Variants in ITGB2 observed in about 807,000 individuals in gnomAD.
ITGB2 encodes integrin subunit beta 2, also known as integrin beta-2.
In ITGB2, 56 loss-of-function variants were observed where a neutral mutation model predicts 86.8. That is an observed-to-expected ratio of 0.65 (90% CI 0.52 to 0.81). The LOEUF (loss-of-function observed/expected upper bound fraction) is 0.81, where lower values mean the gene tolerates loss of function less well. Ranked by LOEUF, ITGB2 falls within the 30% of genes least tolerant of loss-of-function variation. ITGB2 has a pLI of 0.00. For missense variants in ITGB2, 948 were observed against 1,061.2 expected, an observed-to-expected ratio of 0.89 and a Z score of 1.48; for synonymous variants, 457 against 450.4, an observed-to-expected ratio of 1.01 and a Z score of -0.19.
At chr21:44,892,888 A>C (rs1489416706) in intron 10 of ITGB2, 1 of 170,816 alleles carries the variant, frequency 5.9e-6, no homozygotes, top group Non-Finnish European at 1.3e-5. Flanking sequence ...AGAATGAAAC[A>C]CGCAGAAAAT....
intron 4 of ITGB2, among the ~76,000 whole-genome samples, chr21:44,906,083 G>C (rs760463): frequency 0.17 from 25,670 of 151,678 alleles, 2,399 homozygotes; most frequent in Middle Eastern, 0.25. Flanking sequence ...CCCATCTGCT[G>C]CACCACCACA....
intron 1 of ITGB2, chr21:44,911,533 A>T (rs2146548933): frequency 6.6e-6 from 1 of 152,368 alleles, no homozygotes; most frequent in African/African-American, 2.4e-5. Flanking sequence ...GTGTGCCAGG[A>T]AGAGAAAGCT....
chr21:44,890,233 G>C lies in ITGB2; in HGVS notation c.1413-11C>G, dbSNP rs778199712. The C allele has an allele frequency of 3.7e-6, 6 of 1,612,762 alleles. No individual in the cohort carries two copies. Among genetic ancestry groups the C allele is most frequent in the Non-Finnish European group, 5.1e-6 (6 of 1,179,992 alleles). On this transcript the variant is annotated splice_polypyrimidine_tract_variant and intron_variant, in intron 11 of 15. Transcript: ENST00000652462. ...TAGCCAGTGTCACACCTGGGGACAG[G>C]AGGGGCCCCAAGGTCAGGCTCCCCC...
chr21:44,917,418 G>C (rs1298193112), intron 1 of ITGB2, among the ~76,000 whole-genome samples: 2 of 152,134 alleles, frequency 1.3e-5, no homozygotes. Flanking sequence ...CCCTTTTTGT[G>C]ATAAATGAAT....
rs778474121 is a variant in ITGB2 at position 44,888,828 on chromosome 21, C to G, written c.1945G>C (p.Gly649Arg). The G allele has an allele frequency of 1.9e-6, 3 of 1,610,916 alleles. No individual in the cohort carries two copies. In the East Asian group the frequency reaches 6.7e-5, roughly 36 times the overall value. The change falls in exon 14 of 16, where the codon GGC (glycine) becomes CGC (arginine). Residue 649 changes from glycine to arginine, a missense_variant. By Grantham distance (125) the Gly-to-Arg change is moderately radical (BLOSUM62 -2). Coordinates refer to ENST00000652462, the MANE Select transcript of ITGB2 (RefSeq NM_000211.5). ...ACGGGGTTGTTCGACAGCTGCAGGC[C>G]CGGACACGCCGCGCTGCAGTTCTTC... Reference protein sequence around the residue: ...FGKNCSAACPGLQLSNNPVKG... With the variant: ...FGKNCSAACPRLQLSNNPVKG...
At chr21:44,901,976 A>G (rs980455229) in intron 5 of ITGB2, 6 of 562,788 alleles carry the variant, frequency 1.1e-5, no homozygotes, top group African/African-American at 9.4e-5. Flanking sequence ...AAGTGTATGC[A>G]TGTGTGTTCC....
At chr21:44,893,897 GAGAC>G (rs1450402430) in intron 9 of ITGB2, 2 of 355,070 alleles carry the variant, frequency 5.6e-6, no homozygotes, top group South Asian at 4.4e-5. Flanking sequence ...GAGAGAGGCA[GAGAC>G]AGACAGAGAT....
chr21:44,922,020 G>A (rs575876122), upstream of ITGB2, among the ~76,000 whole-genome samples: 22 of 152,296 alleles, frequency 1.4e-4, no homozygotes, highest in Admixed American at 6.5e-4. Flanking sequence ...CATGGCTCCC[G>A]GCTCCTAAAC....
chr21:44,888,551 A>C, intron 14 of ITGB2, 142 bp downstream of exon 14: 1 of 951,912 alleles, frequency 1.1e-6, no homozygotes, highest in South Asian at 1.4e-5. Flanking sequence ...TTGCAATGCC[A>C]AGGGCATCCC....
At chr21:44,928,606 A>AGGGTCGGGTCGGGTC (rs559441888) in intron 1 of ITGB2, 1 of 134,626 alleles carries the variant, frequency 7.4e-6, no homozygotes, top group Non-Finnish European at 1.6e-5. Context: ...AGGGCTCCCG[A>AGGGTCGGGTCGGGTC]GGGTCGGGTC....
At chr21:44,895,862 A>AAAT (rs1190299877) in intron 8 of ITGB2, among the ~76,000 whole-genome samples, 1 of 137,664 alleles carries the variant, frequency 7.3e-6, no homozygotes, top group Admixed American at 6.9e-5. Context: ...AAATGAAATG[A>AAAT]AATGAAATGA....
intron 1 of ITGB2, among the ~76,000 whole-genome samples, chr21:44,916,524 T>C (rs1176064758): frequency 6.6e-6 from 1 of 151,908 alleles, no homozygotes; most frequent in East Asian, 1.9e-4. Flanking sequence ...AATAAAACAA[T>C]AAAGGAAATA....
intron 3 of ITGB2, chr21:44,907,927 C>A: frequency 1.7e-6 from 1 of 599,560 alleles, no homozygotes; most frequent in South Asian, 2.0e-5. Flanking sequence ...AGTACATCAG[C>A]AAGTATCCCA....
rs1306158758 is a variant in ITGB2, at chr21:44,890,226, G to C, written c.1413-4C>G. 1 of 1,612,954 alleles carries C rather than the reference G, an allele frequency of 6.2e-7. No homozygotes were observed. Among genetic ancestry groups the C allele is most frequent in the Admixed American group, 1.7e-5 (1 of 60,020 alleles). On this transcript the variant is annotated splice_region_variant and splice_polypyrimidine_tract_variant and intron_variant, in intron 11 of 15. Coordinates refer to ENST00000652462, the MANE Select transcript of ITGB2 (RefSeq NM_000211.5). ...CCCAATGTAGCCAGTGTCACACCTG[G>C]GGACAGGAGGGGCCCCAAGGTCAGG...
intron 1 of ITGB2, among the ~76,000 whole-genome samples, chr21:44,912,177 C>T (rs896615843): frequency 2.6e-5 from 4 of 152,208 alleles, no homozygotes; most frequent in Non-Finnish European, 4.4e-5. Flanking sequence ...ACCCTTCCCT[C>T]GGGTGGTGCT....
At chr21:44,910,472 G>A in intron 2 of ITGB2, 100 bp from the exon 3 acceptor site, 3 of 1,587,844 alleles carry the variant, frequency 1.9e-6, no homozygotes, top group Non-Finnish European at 2.6e-6. Context: ...CAAAAAGACA[G>A]GGAGGCAGCC....
chr21:44,926,501 G>A (rs989340334), intron 1 of ITGB2, among the ~76,000 whole-genome samples: 6 of 152,172 alleles, frequency 3.9e-5, no homozygotes, highest in East Asian at 1.9e-4. Flanking sequence ...ACCGGCAACC[G>A]GCATCCGTGG....
intron 1 of ITGB2, among the ~76,000 whole-genome samples, chr21:44,911,804 G>A (rs898426779): frequency 6.6e-6 from 1 of 152,200 alleles, no homozygotes; most frequent in African/African-American, 2.4e-5. Flanking sequence ...GAGGCCGGCA[G>A]CACCTCCTAG....
intron 3 of ITGB2, among the ~76,000 whole-genome samples, chr21:44,909,092 C>T (rs931406277): frequency 2.0e-5 from 3 of 152,172 alleles, no homozygotes; most frequent in South Asian, 2.1e-4. Context: ...GCAGTGATGG[C>T]GGCTTCAGGC....
Sources: gnomAD v4.1 joint callset for allele counts (sites outside exome capture counted in the v4.1 genomes callset) on GRCh38, gnomAD v4.1.1 for gene constraint, MANE v1.5 for transcripts, NCBI Gene and HGNC (gene_info 2026-07-23, HGNC 2026-07-21) for gene names.